The following HSPA12A variants were observed in gnomAD, a reference collection of about 807,000 sequenced individuals.
HSPA12A encodes the protein heat shock 70 kDa protein 12A.
A neutral mutation model predicts 69.2 loss-of-function variants in HSPA12A; 28 were observed. The observed-to-expected ratio is 0.40, with a 90% CI of 0.30 to 0.55. The LOEUF is 0.55. HSPA12A is among the 20% of genes least tolerant of loss of function. The probability of loss-of-function intolerance (pLI) is 0.38; values close to 1 mark genes in which losing one functional copy is unlikely to be tolerated. For missense variants in HSPA12A, 686 were observed against 900.7 expected (o/e 0.76, Z 3.05); for synonymous variants, 345 against 370.5 (o/e 0.93, Z 0.79).
intron 1 of HSPA12A, among the ~76,000 whole-genome samples, chr10:116,845,204 A>C (rs1291832819): frequency 2.0e-5 from 3 of 152,196 alleles, no homozygotes; most frequent in Non-Finnish European, 4.4e-5. Context: ...ATTTCCATGA[A>C]TAAAAATATA....
At chr10:116,773,483 A>C (rs964698185) in intron 2 of HSPA12A, among the ~76,000 whole-genome samples, 1 of 152,228 alleles carries the variant, frequency 6.6e-6, no homozygotes, top group Admixed American at 6.5e-5. Context: ...CGCAGCTCCC[A>C]GCGGGTTTCG....
At chr10:116,813,219 G>A (rs528128345) in intron 2 of HSPA12A, among the ~76,000 whole-genome samples, 6 of 145,732 alleles carry the variant, frequency 4.1e-5, no homozygotes, top group South Asian at 4.4e-4. Flanking sequence ...TTTATCTGCC[G>A]TTAAAGAAAG....
rs561895444 is a variant in HSPA12A at position 116,722,286 on chromosome 10, A to G, written c.41-15001T>C. On this transcript the variant is annotated intron_variant, in intron 1 of 11. Transcript: ENST00000369209. ...GCACAATCCTCCCCCACAGAGCCCAAGATGTCTGTGCCCACGGTGCTGACT... is the reference window on the plus strand; with the variant it reads ...GCACAATCCTCCCCCACAGAGCCCAGGATGTCTGTGCCCACGGTGCTGACT... Among the ~76,000 whole-genome samples, 52 of 152,296 alleles carry G rather than the reference A, an allele frequency of 3.4e-4. 1 individual carries two copies. In the South Asian group the frequency reaches 0.01, roughly 30 times the overall value.
chr10:116,707,164 C>T (rs1741371045), intron 2 of HSPA12A, 36 bp downstream of exon 2: 1 of 1,423,436 alleles, frequency 7.0e-7, no homozygotes. Context: ...CACACACACA[C>T]ACACACACAC....
intron 2 of HSPA12A, among the ~76,000 whole-genome samples, chr10:116,765,923 C>A (rs1394988422): frequency 6.6e-6 from 1 of 152,206 alleles, no homozygotes; most frequent in Non-Finnish European, 1.5e-5. Context: ...TCTTTGCAAC[C>A]TGGTACTTGG....
intron 2 of HSPA12A, among the ~76,000 whole-genome samples, chr10:116,773,137 C>T (rs1460982139): frequency 2.0e-5 from 3 of 152,212 alleles, no homozygotes; most frequent in African/African-American, 7.2e-5. Context: ...CTGGGCCCTC[C>T]TTCCTCCCAC....
intron 2 of HSPA12A, among the ~76,000 whole-genome samples, chr10:116,818,047 C>A (rs1298370355): frequency 2.6e-5 from 4 of 152,208 alleles, no homozygotes; most frequent in Non-Finnish European, 4.4e-5. Flanking sequence ...CTCACCTGGG[C>A]AACTGCATCA....
In HSPA12A at chr10:116,674,504, C is replaced by T. The variant is rs949228963; in HGVS notation, c.*277G>A. 17 of 472,012 alleles carry T rather than the reference C, an allele frequency of 3.6e-5. No homozygotes were observed. Among genetic ancestry groups the T allele is most frequent in the Middle Eastern group, 5.7e-4 (1 of 1,758 alleles). The allele number at this position is 472,012 out of a possible 1,614,324, so 29.2% of individuals were successfully genotyped here. A position where few individuals can be genotyped will look rare whatever the true frequency, so the allele number is the denominator to read the frequency against. ...GCAGAAATGTACTGATTCCCTTCTC[C>T]GTGGCCATTTCACCACTTTTGTACC... On this transcript the variant is annotated 3_prime_UTR_variant, in exon 12 of 12. Transcript: ENST00000369209.
At chr10:116,797,981 G>A (rs943399451) in intron 2 of HSPA12A, among the ~76,000 whole-genome samples, 2 of 152,176 alleles carry the variant, frequency 1.3e-5, no homozygotes, top group African/African-American at 2.4e-5. Flanking sequence ...TAAAGACACA[G>A]CTATGGGAAC....
intron 1 of HSPA12A, among the ~76,000 whole-genome samples, chr10:116,838,510 G>A (rs997740207): frequency 6.6e-6 from 1 of 152,194 alleles, no homozygotes; most frequent in Non-Finnish European, 1.5e-5. Flanking sequence ...TCTGACAACA[G>A]CCACAGGACT....
In HSPA12A at chr10:116,684,608, C is replaced by T. The variant is rs565370501; in HGVS notation, c.664-646G>A. Among the ~76,000 whole-genome samples the T allele has an allele frequency of 4.6e-5, 7 of 152,208 alleles. No homozygotes were observed. In the East Asian group the frequency reaches 1.4e-3, roughly 30 times the overall value. On this transcript the variant is annotated intron_variant, in intron 6 of 11. Transcript: ENST00000369209. ...AAGCAGTGGCTCCAGGAGGAAGCCC[C>T]TCCTGGAATCCCATATAGTCCCTCA...
chr10:116,712,430 C>A (rs1589652195), intron 1 of HSPA12A, among the ~76,000 whole-genome samples: 1 of 152,130 alleles, frequency 6.6e-6, no homozygotes, highest in East Asian at 1.9e-4. Flanking sequence ...CCAAACCAGG[C>A]AATTGAGGAG....
chr10:116,703,415 T>C (rs1850136592), intron 3 of HSPA12A, among the ~76,000 whole-genome samples: 1 of 151,984 alleles, frequency 6.6e-6, no homozygotes, highest in Non-Finnish European at 1.5e-5. Context: ...GCACCTGTAG[T>C]CTCAGCCACT....
intron 1 of HSPA12A, among the ~76,000 whole-genome samples, chr10:116,720,280 C>T (rs1850734939): frequency 1.3e-5 from 2 of 152,220 alleles, no homozygotes; most frequent in Non-Finnish European, 2.9e-5. Flanking sequence ...CTCCTCCAAC[C>T]TCTGTGCCTG....
intron 1 of HSPA12A, among the ~76,000 whole-genome samples, chr10:116,838,437 A>G (rs981244779): frequency 3.9e-5 from 6 of 152,210 alleles, no homozygotes; most frequent in African/African-American, 1.4e-4. Flanking sequence ...GGGGGAAAAC[A>G]GAACATTTGA....
chr10:116,819,578 T>A (rs1262115472), intron 2 of HSPA12A, among the ~76,000 whole-genome samples: 2 of 152,128 alleles, frequency 1.3e-5, no homozygotes, highest in Non-Finnish European at 2.9e-5. Flanking sequence ...AGACACCAAA[T>A]CAGTTGGTGT....
Position 116,723,093 on chromosome 10 carries a change from C to T in HSPA12A, c.41-15808G>A, listed in dbSNP as rs1850831658. ...GCTGTCCCACTGGATCACATCACAA[C>T]CACCACCATCATCATGTCACTCCCA... is the stretch of plus-strand genomic sequence containing the variant. On this transcript the variant is annotated intron_variant, in intron 1 of 11. Transcript: ENST00000369209. The surrounding 1 kb of genome is among the most constrained non-coding windows in gnomAD (Gnocchi z 4.1). 6.6e-6 allele frequency among the ~76,000 whole-genome samples: 1 copy of T among 152,176 alleles called. No homozygotes were observed. Among genetic ancestry groups the T allele is most frequent in the Non-Finnish European group, 1.5e-5 (1 of 68,016 alleles).
intron 1 of HSPA12A, among the ~76,000 whole-genome samples, chr10:116,711,485 G>C (rs990385937): frequency 6.6e-6 from 1 of 152,156 alleles, no homozygotes. Context: ...ATCAAGGACA[G>C]AGCTAAAGGA....
At chr10:116,834,077 A>G (rs1845667749) in intron 2 of HSPA12A, among the ~76,000 whole-genome samples, 1 of 152,346 alleles carries the variant, frequency 6.6e-6, no homozygotes, top group African/African-American at 2.4e-5. Context: ...AAAAAGGATC[A>G]TAGAAGCGCT....
Sources: gnomAD v4.1 joint callset for allele counts (sites outside exome capture counted in the v4.1 genomes callset) on GRCh38, gnomAD v4.1.1 for gene constraint, Gnocchi (gnomAD v3.1) non-coding constraint, MANE v1.5 for transcripts, NCBI Gene and HGNC (gene_info 2026-07-23, HGNC 2026-07-21) for gene names.